Variants in RALYL observed in about 807,000 individuals in gnomAD.
The protein encoded by RALYL is RNA-binding Raly-like protein.
In RALYL, 29 loss-of-function variants were observed where a neutral mutation model predicts 35.1. That is an observed-to-expected ratio of 0.83 (90% CI 0.61 to 1.13). The LOEUF is 1.13. RALYL is among the 50% of genes most tolerant of loss of function. RALYL has a pLI of 0.00. For synonymous variants in RALYL, 120 were observed against 127.6 expected, an observed-to-expected ratio of 0.94 and a Z score of 0.40; for missense variants, 359 against 360.4, an observed-to-expected ratio of 1.00 and a Z score of 0.03.
intron 1 of RALYL, among the ~76,000 whole-genome samples, chr8:84,294,084 T>C (rs1190043335): frequency 6.6e-6 from 1 of 152,136 alleles, no homozygotes; most frequent in South Asian, 2.1e-4. Flanking sequence ...CTCCACTCTA[T>C]GTAAGAAAAA....
intron 1 of RALYL, among the ~76,000 whole-genome samples, chr8:84,369,966 CA>C (rs1314136089): frequency 5.3e-5 from 8 of 152,010 alleles, no homozygotes; most frequent in Non-Finnish European, 4.4e-5. Context: ...CATGCAACAC[CA>C]GCTATGATTT....
intron 2 of RALYL, among the ~76,000 whole-genome samples, chr8:84,690,489 G>T (rs1192573683): frequency 6.6e-6 from 1 of 152,100 alleles, no homozygotes; most frequent in African/African-American, 2.4e-5. Context: ...AGTGCTGGGA[G>T]AGTAGACCTT....
chr8:84,309,469 C>T (rs1462473018), intron 1 of RALYL, among the ~76,000 whole-genome samples: 1 of 151,692 alleles, frequency 6.6e-6, no homozygotes, highest in Non-Finnish European at 1.5e-5. Context: ...GATAAAAATC[C>T]TCTCTATAAC....
chr8:84,450,670 A>AT (rs568938570), intron 1 of RALYL, among the ~76,000 whole-genome samples: 223 of 151,926 alleles, frequency 1.5e-3, no homozygotes, highest in African/African-American at 5.2e-3. Context: ...ATATTCTTGC[A>AT]TTTTTTTCTA....
chr8:84,242,983 T>C (rs1015339642), intron 1 of RALYL, among the ~76,000 whole-genome samples: 20 of 152,242 alleles, frequency 1.3e-4, no homozygotes, highest in Admixed American at 3.9e-4. Flanking sequence ...GTTTTACATT[T>C]ATGTCTTTAA....
intron 2 of RALYL, among the ~76,000 whole-genome samples, chr8:84,566,075 T>C (rs1316824012): frequency 1.3e-5 from 2 of 151,498 alleles, no homozygotes; most frequent in Non-Finnish European, 3.0e-5. Context: ...ATAATGGAAG[T>C]ATTATGGTGT....
chr8:84,188,414 T>A (rs1813049234), intron 1 of RALYL, among the ~76,000 whole-genome samples: 1 of 152,102 alleles, frequency 6.6e-6, no homozygotes, highest in Non-Finnish European at 1.5e-5. Context: ...CTGCAGTTAT[T>A]GTTATTATTC....
intron 1 of RALYL, among the ~76,000 whole-genome samples, chr8:84,508,363 G>C (rs918045744): frequency 1.3e-5 from 2 of 152,086 alleles, no homozygotes; most frequent in Non-Finnish European, 1.5e-5. Context: ...GTCTTAGTTG[G>C]TCTTGGACTT....
intron 6 of RALYL, among the ~76,000 whole-genome samples, chr8:84,869,022 T>C (rs1839701646): frequency 6.6e-6 from 1 of 151,840 alleles, no homozygotes; most frequent in African/African-American, 2.4e-5. Context: ...TTTATATATA[T>C]ATATAAAGAA....
chr8:84,604,374 C>T (rs778122616), intron 2 of RALYL, among the ~76,000 whole-genome samples: 6 of 152,078 alleles, frequency 3.9e-5, no homozygotes, highest in Non-Finnish European at 8.8e-5. Flanking sequence ...GCTATCTACA[C>T]AAAGGGCACA....
intron 1 of RALYL, among the ~76,000 whole-genome samples, chr8:84,491,211 C>G (rs529115305): frequency 7.9e-5 from 12 of 152,138 alleles, no homozygotes; most frequent in African/African-American, 2.9e-4. Flanking sequence ...CTCTCTGTCT[C>G]TCTCTATCCC....
intron 1 of RALYL, among the ~76,000 whole-genome samples, chr8:84,497,642 G>GTTTTT (rs71271999): frequency 4.3e-5 from 5 of 117,238 alleles, no homozygotes; most frequent in Non-Finnish European, 8.7e-5. Flanking sequence ...TTTTGTTTTT[G>GTTTTT]TTTTTTTTTT....
At chr8:84,471,573 A>G (rs983063920) in intron 1 of RALYL, among the ~76,000 whole-genome samples, 1 of 152,142 alleles carries the variant, frequency 6.6e-6, no homozygotes, top group Non-Finnish European at 1.5e-5. Flanking sequence ...AATAACAATA[A>G]CAGCAACAAC....
chr8:84,241,081 T>G (rs914933617), intron 1 of RALYL, among the ~76,000 whole-genome samples: 4 of 152,108 alleles, frequency 2.6e-5, no homozygotes, highest in African/African-American at 9.7e-5. Flanking sequence ...GATCTGTTGA[T>G]TTTTTGTTAT....
intron 1 of RALYL, among the ~76,000 whole-genome samples, chr8:84,384,163 A>G (rs1174407398): frequency 2.6e-5 from 4 of 151,872 alleles, no homozygotes; most frequent in Admixed American, 6.6e-5. Context: ...TAAACATAAA[A>G]TTACCTATTT....
intron 2 of RALYL, among the ~76,000 whole-genome samples, chr8:84,628,878 C>T (rs1208231361): frequency 6.6e-6 from 1 of 151,882 alleles, no homozygotes; most frequent in Non-Finnish European, 1.5e-5. Flanking sequence ...GGTGAAAGAT[C>T]TTATTTCAGA....
intron 2 of RALYL, among the ~76,000 whole-genome samples, chr8:84,682,740 T>C: frequency 6.6e-6 from 1 of 152,170 alleles, no homozygotes. Context: ...TTTTCTTCTT[T>C]ATTAGTCTTG....
At chr8:84,902,756 G>A (rs1213675781) in intron 8 of RALYL, among the ~76,000 whole-genome samples, 1 of 152,104 alleles carries the variant, frequency 6.6e-6, no homozygotes, top group African/African-American at 2.4e-5. Flanking sequence ...AGTCTCTGAG[G>A]CTCACTTCCA....
intron 1 of RALYL, among the ~76,000 whole-genome samples, chr8:84,485,928 T>G (rs1045774953): frequency 1.3e-5 from 2 of 151,932 alleles, no homozygotes; most frequent in African/African-American, 4.8e-5. Context: ...TTGCAATGGA[T>G]TCTCAAGAAA....
Sources: allele counts gnomAD v4.1 joint callset (sites outside exome capture counted in the v4.1 genomes callset), GRCh38; gene constraint gnomAD v4.1.1; transcripts MANE v1.5; gene names NCBI Gene and HGNC (gene_info 2026-07-23, HGNC 2026-07-21).